Variants in TRMT9B observed in about 807,000 individuals in gnomAD.
TRMT9B encodes the protein tRNA methyltransferase 9B (putative), also known as probable tRNA methyltransferase 9B.
In TRMT9B, 16 loss-of-function variants were observed where a neutral mutation model predicts 11.5. That is an observed-to-expected ratio of 1.39 (90% CI 0.94 to 2.11). The LOEUF (loss-of-function observed/expected upper bound fraction) is 2.11, where lower values mean the gene tolerates loss of function less well. Ranked by LOEUF, TRMT9B falls within the 30% of genes most tolerant of loss-of-function variation. The pLI is 0.00. For missense variants in TRMT9B, 941 were observed against 553.8 expected, an observed-to-expected ratio of 1.70 and a Z score of -7.02; for synonymous variants, 274 against 192.4, an observed-to-expected ratio of 1.42 and a Z score of -3.51.
chr8:12,994,043 G>C (rs1478977537), intron 2 of TRMT9B, among the ~76,000 whole-genome samples: 2 of 152,216 alleles, frequency 1.3e-5, no homozygotes, highest in Non-Finnish European at 2.9e-5. Flanking sequence ...GAGAATAACT[G>C]TCCGAGACTG....
At chr8:12,990,149 A>G (rs1249173337) in intron 1 of TRMT9B, among the ~76,000 whole-genome samples, 1 of 152,168 alleles carries the variant, frequency 6.6e-6, no homozygotes, top group Non-Finnish European at 1.5e-5. Flanking sequence ...TGATAAGGAA[A>G]CTAGGAAAAA....
At chr8:12,975,947 G>T (rs756061497) in intron 1 of TRMT9B, among the ~76,000 whole-genome samples, 1 of 152,038 alleles carries the variant, frequency 6.6e-6, no homozygotes, top group Non-Finnish European at 1.5e-5. Flanking sequence ...AAATGAATAC[G>T]ATAATATTTT....
chr8:12,963,817 C>T (rs1173188244), intron 1 of TRMT9B, among the ~76,000 whole-genome samples: 1 of 152,308 alleles, frequency 6.6e-6, no homozygotes, highest in African/African-American at 2.4e-5. Flanking sequence ...TAAGCTGTGC[C>T]TGAGTAGCTC....
At chr8:12,998,873 A>G (rs74414700) in intron 2 of TRMT9B, among the ~76,000 whole-genome samples, 1 of 152,224 alleles carries the variant, frequency 6.6e-6, no homozygotes, top group African/African-American at 2.4e-5. Context: ...AAAACTTGGG[A>G]AAAAACCTTT....
rs1814102391 is a variant in TRMT9B, at chr8:13,022,368, A to G, written c.*324A>G. On this transcript the variant is annotated 3_prime_UTR_variant, in exon 5 of 5. Coordinates refer to ENST00000524591, the MANE Select transcript of TRMT9B (RefSeq NM_020844.3). ...CATGTATAGTGTTTTTCAGTATTAC[A>G]CATTGATTTAAAAAGATTATGCTGT... 1.4e-5 allele frequency: 3 copies of G among 214,916 alleles called. No homozygotes were observed. Among genetic ancestry groups the G allele is most frequent in the South Asian group, 3.3e-4 (2 of 6,028 alleles). The allele number at this position is 214,916 out of a possible 1,614,324, so 13.3% of individuals were successfully genotyped here.
chr8:13,012,160 A>AT, intron 3 of TRMT9B: 1 of 984,564 alleles, frequency 1.0e-6, no homozygotes, highest in Non-Finnish European at 1.2e-6. Context: ...AATAAATGTT[A>AT]TTTTTTTCCT....
intron 1 of TRMT9B, among the ~76,000 whole-genome samples, chr8:12,983,377 G>A (rs1028659283): frequency 1.3e-5 from 2 of 152,044 alleles, no homozygotes; most frequent in African/African-American, 4.8e-5. Context: ...TTTTTTAAAA[G>A]CCATCTAGCA....
At chr8:12,960,392 A>T (rs1234676097) in intron 1 of TRMT9B, 1 of 152,208 alleles carries the variant, frequency 6.6e-6, no homozygotes, top group Non-Finnish European at 1.5e-5. Context: ...GAGCCCACGG[A>T]GTATCTTACG....
At chr8:12,950,354 T>C (rs564570309) in intron 1 of TRMT9B, among the ~76,000 whole-genome samples, 1 of 152,164 alleles carries the variant, frequency 6.6e-6, no homozygotes, top group African/African-American at 2.4e-5. Flanking sequence ...TCCTATACTT[T>C]AGGTATGCTT....
At chr8:13,019,102 T>C (rs949565283) in intron 4 of TRMT9B, among the ~76,000 whole-genome samples, 4 of 152,092 alleles carry the variant, frequency 2.6e-5, no homozygotes, top group African/African-American at 9.7e-5. Flanking sequence ...ATTTGGGGGA[T>C]TACAATTTGG....
intron 4 of TRMT9B, among the ~76,000 whole-genome samples, chr8:13,016,541 T>G (rs1372316943): frequency 2.6e-5 from 4 of 151,798 alleles, no homozygotes; most frequent in African/African-American, 9.7e-5. Flanking sequence ...TATATATATA[T>G]TTGCTTTTCC....
At chr8:12,972,046 G>T (rs540876289) in intron 1 of TRMT9B, among the ~76,000 whole-genome samples, 1 of 152,290 alleles carries the variant, frequency 6.6e-6, no homozygotes, top group South Asian at 2.1e-4. Flanking sequence ...AAATACAGCA[G>T]TGTTAGGTAG....
intron 1 of TRMT9B, among the ~76,000 whole-genome samples, chr8:12,966,292 G>A (rs2128865854): frequency 6.6e-6 from 1 of 152,246 alleles, no homozygotes; most frequent in Middle Eastern, 3.4e-3. Context: ...GGTGTGGGCG[G>A]GGGGAAGAAA....
chr8:12,955,473 G>A (rs1192063855), intron 1 of TRMT9B, among the ~76,000 whole-genome samples: 1 of 151,918 alleles, frequency 6.6e-6, no homozygotes, highest in Non-Finnish European at 1.5e-5. Flanking sequence ...TTATTTCCCA[G>A]CCTTTGTTAA....
At chr8:13,012,482 A>C in intron 3 of TRMT9B, 12 of 616,940 alleles carry the variant, frequency 1.9e-5, no homozygotes, top group Middle Eastern at 5.6e-4. Flanking sequence ...GGCTAAGGCA[A>C]GAGAATTGCT....
Position 13,010,675 on chromosome 8 carries a change from G to A in TRMT9B, c.155-2009G>A, listed in dbSNP as rs112443757. The A allele has an allele frequency of 6.1e-6, 6 of 984,710 alleles. No individual in the cohort carries two copies. The African/African-American group carries it at 7.0e-5, about 11-fold the overall frequency. 61.0% of individuals were successfully genotyped at this position (984,710 alleles called of 1,614,324 possible). A position where few individuals can be genotyped will look rare whatever the true frequency, so the allele number is the denominator to read the frequency against. On this transcript the variant is annotated intron_variant, in intron 3 of 4. Transcript: ENST00000524591. ...GGCCCTCCTCATTCTAAAGATGTAT[G>A]AGTCTGATTTTATTAATATCATTGA...
rs912573531 is a variant in TRMT9B, at chr8:13,025,605, G to T, written c.*3561G>T. On this transcript the variant is annotated 3_prime_UTR_variant, in exon 5 of 5. Coordinates refer to ENST00000524591, the MANE Select transcript of TRMT9B (RefSeq NM_020844.3). ...ATCTTCAAAGGATTTGGGGGAAAGCGCATTAACATGGACAAAGGATGGAAT... is the reference window on the plus strand; with the variant it reads ...ATCTTCAAAGGATTTGGGGGAAAGCTCATTAACATGGACAAAGGATGGAAT... 1.8e-5 allele frequency: 3 copies of T among 167,052 alleles called. No homozygotes were observed. Among genetic ancestry groups the T allele is most frequent in the Non-Finnish European group, 1.5e-5 (1 of 68,130 alleles). The allele number at this position is 167,052 out of a possible 1,614,324, so 10.3% of individuals were successfully genotyped here. A position where few individuals can be genotyped will look rare whatever the true frequency, so the allele number is the denominator to read the frequency against.
chr8:13,022,152 C>G lies in TRMT9B; in HGVS notation c.*108C>G. On this transcript the variant is annotated 3_prime_UTR_variant, in exon 5 of 5. Coordinates refer to ENST00000524591, the MANE Select transcript of TRMT9B (RefSeq NM_020844.3). ...AGTGTTATTTGTTAATCCATTTACGCTTTGGTCTGCAGAGACTATTAATTA... is the reference window on the plus strand; with the variant it reads ...AGTGTTATTTGTTAATCCATTTACGGTTTGGTCTGCAGAGACTATTAATTA... The G allele has an allele frequency of 1.3e-6, 1 of 794,288 alleles. No individual in the cohort carries two copies. The highest frequency in any genetic ancestry group is 2.0e-6 in the Non-Finnish European group (1 of 506,660). 49.2% of individuals were successfully genotyped at this position (794,288 alleles called of 1,614,324 possible).
chr8:12,966,342 T>C (rs995963766), intron 1 of TRMT9B, among the ~76,000 whole-genome samples: 9 of 152,180 alleles, frequency 5.9e-5, no homozygotes, highest in African/African-American at 1.9e-4. Context: ...TTAGTGTGGA[T>C]GCAGACACTT....
Sources: gnomAD v4.1 joint callset for allele counts (sites outside exome capture counted in the v4.1 genomes callset) on GRCh38, gnomAD v4.1.1 for gene constraint, MANE v1.5 for transcripts, NCBI Gene and HGNC (gene_info 2026-07-23, HGNC 2026-07-21) for gene names.